Variants in JDP2 observed in about 807,000 individuals in gnomAD.
JDP2 encodes the protein Jun dimerization protein 2, also known as progesterone receptor co-activator.
A neutral mutation model predicts 17.1 loss-of-function variants in JDP2; 9 were observed. The observed-to-expected ratio is 0.53, with a 90% confidence interval of 0.32 to 0.92. The LOEUF (loss-of-function observed/expected upper bound fraction) is 0.92, where lower values mean the gene tolerates loss of function less well. JDP2 is among the 40% of genes least tolerant of loss of function. The pLI is 0.04. For missense variants in JDP2, 179 were observed against 220.0 expected, an observed-to-expected ratio of 0.81 and a Z score of 1.18; for synonymous variants, 107 against 95.6, an observed-to-expected ratio of 1.12 and a Z score of -0.69.
chr14:75,454,657 C>T (rs986202088), intron 2 of JDP2, among the ~76,000 whole-genome samples: 2 of 152,094 alleles, frequency 1.3e-5, no homozygotes, highest in Admixed American at 6.5e-5. Flanking sequence ...AGTGAATGCA[C>T]CTTGAAGGAA....
chr14:75,459,507 A>T (rs1048215949), intron 2 of JDP2, among the ~76,000 whole-genome samples: 1 of 152,136 alleles, frequency 6.6e-6, no homozygotes, highest in Non-Finnish European at 1.5e-5. Flanking sequence ...TGCCCTGCCA[A>T]GGCCTGTGCC....
chr14:75,457,879 G>A (rs940601645), intron 2 of JDP2, among the ~76,000 whole-genome samples: 1 of 152,254 alleles, frequency 6.6e-6, no homozygotes, highest in Non-Finnish European at 1.5e-5. Flanking sequence ...GCTCCCGTGA[G>A]CGCTGGGGAA....
At chr14:75,450,010 C>A (rs1335227486) in intron 2 of JDP2, among the ~76,000 whole-genome samples, 1 of 152,156 alleles carries the variant, frequency 6.6e-6, no homozygotes, top group East Asian at 1.9e-4. Context: ...CTATTCTGTT[C>A]ATATAAACCA....
chr14:75,429,214 C>T (rs982002612), intron 1 of JDP2, among the ~76,000 whole-genome samples: 3 of 152,114 alleles, frequency 2.0e-5, no homozygotes, highest in African/African-American at 7.2e-5. Context: ...TCAGCCGACC[C>T]CCTTGGGTCA....
chr14:75,432,906 A>G lies in JDP2; in HGVS notation c.-24+4654A>G, dbSNP rs1884873694. Among the ~76,000 whole-genome samples, 3 of 152,092 alleles carry G rather than the reference A, an allele frequency of 2.0e-5. No individual in the cohort carries two copies. The South Asian group carries it at 6.2e-4, about 32-fold the overall frequency. On this transcript the variant is annotated intron_variant, in intron 1 of 3. Transcript: ENST00000651602. Reference sequence around the variant, plus strand: ...TTATCATTTATAGACACTTCCATTAAAAAAAGATTTAAGGACCGGGCACGG... The same window carrying G: ...TTATCATTTATAGACACTTCCATTAGAAAAAGATTTAAGGACCGGGCACGG...
At chr14:75,469,169 T>G in intron 3 of JDP2, 121 bp from the exon 4 acceptor site, 1 of 871,624 alleles carries the variant, frequency 1.1e-6, no homozygotes, top group South Asian at 1.7e-5. Flanking sequence ...GGGTCTGTGC[T>G]TCTTCCTGCA....
chr14:75,454,559 A>G (rs1200255326), intron 2 of JDP2, among the ~76,000 whole-genome samples: 1 of 152,230 alleles, frequency 6.6e-6, no homozygotes, highest in Non-Finnish European at 1.5e-5. Context: ...TGAGATATTT[A>G]TATAGATTAA....
At chr14:75,432,060 T>G in intron 1 of JDP2, 1 of 560,370 alleles carries the variant, frequency 1.8e-6, no homozygotes, top group South Asian at 2.2e-5. Flanking sequence ...GGATTCACAC[T>G]CAGGTGATCT....
chr14:75,469,692 AGACCAAAGTT>A lies in JDP2; in HGVS notation c.*222_*231del. On this transcript the variant is annotated 3_prime_UTR_variant, in exon 4 of 4. Transcript: ENST00000651602. Reference sequence around the variant, plus strand: ...GGAAACCCAGAGGGACCAAGCGCTGAGACCAAAGTTGACCCTCGGGTAGGGTTGTCCTGCC... The same window carrying A: ...GGAAACCCAGAGGGACCAAGCGCTGAGACCCTCGGGTAGGGTTGTCCTGCC... 3.6e-6 allele frequency: 2 copies of A among 548,420 alleles called. No homozygotes were observed. Among genetic ancestry groups the A allele is most frequent in the Non-Finnish European group, 6.5e-6 (2 of 308,622 alleles). The allele number at this position is 548,420 out of a possible 1,614,324, so 34.0% of individuals were successfully genotyped here.
chr14:75,432,026 A>G, intron 1 of JDP2: 1 of 508,430 alleles, frequency 2.0e-6, no homozygotes, highest in Non-Finnish European at 3.5e-6. Flanking sequence ...AAGGGCACAC[A>G]GCTAGTAAGA....
rs1465121247 is a variant in JDP2, at chr14:75,461,531, G to A, written c.306+1G>A. ...GGAGCGCACGGAGTTTCTGCAGCGG[G>A]TGAGCTGACCGGGTGGGTGGGGAGG... On this transcript the variant is annotated splice_donor_variant, in intron 3 of 3. Transcript: ENST00000651602. LOFTEE classifies it high-confidence loss of function. 1 of 1,598,406 alleles carries A rather than the reference G, an allele frequency of 6.3e-7. No homozygotes were observed. Among genetic ancestry groups the A allele is most frequent in the South Asian group, 1.1e-5 (1 of 88,064 alleles).
chr14:75,454,345 C>T (rs985736287), intron 2 of JDP2, among the ~76,000 whole-genome samples: 6 of 152,258 alleles, frequency 3.9e-5, no homozygotes, highest in South Asian at 2.1e-4. Flanking sequence ...GACCTGGATA[C>T]GAGTCCTGCG....
At chr14:75,455,485 G>C (rs1886061498) in intron 2 of JDP2, among the ~76,000 whole-genome samples, 1 of 152,124 alleles carries the variant, frequency 6.6e-6, no homozygotes, top group African/African-American at 2.4e-5. Flanking sequence ...TGTGCCCCAG[G>C]TGGCTCATCT....
chr14:75,467,788 G>C (rs1372595681), intron 3 of JDP2, among the ~76,000 whole-genome samples: 1 of 152,098 alleles, frequency 6.6e-6, no homozygotes, highest in Admixed American at 6.5e-5. Flanking sequence ...CAGAGGACCA[G>C]GCCAGCTTCC....
intron 2 of JDP2, among the ~76,000 whole-genome samples, chr14:75,455,399 T>C (rs1464010586): frequency 6.6e-6 from 1 of 152,160 alleles, no homozygotes; most frequent in African/African-American, 2.4e-5. Flanking sequence ...GGTGGACTTA[T>C]GTAAATCACA....
At chr14:75,434,907 G>A (rs1884991667) in intron 1 of JDP2, among the ~76,000 whole-genome samples, 1 of 152,184 alleles carries the variant, frequency 6.6e-6, no homozygotes, top group Non-Finnish European at 1.5e-5. Flanking sequence ...GCTGTCATTT[G>A]TTCATTCATT....
At chr14:75,461,319 G>A (rs1334715681) in intron 2 of JDP2, 107 bp from the exon 3 acceptor site, 5 of 775,058 alleles carry the variant, frequency 6.5e-6, no homozygotes, top group Admixed American at 2.1e-5. Flanking sequence ...GTTCACTGCC[G>A]AGATGTGGGT....
At chr14:75,427,362 G>T (rs1884570395), upstream of JDP2, 1 of 152,440 alleles carries the variant, frequency 6.6e-6, no homozygotes, top group Non-Finnish European at 1.5e-5. This position sits in a 1 kb window ranked among gnomAD's most constrained non-coding sequence, Gnocchi z 4.4. Context: ...GGGGCCTAAG[G>T]GCGCTGGCGG....
At chr14:75,450,737 A>G (rs1363357660) in intron 2 of JDP2, among the ~76,000 whole-genome samples, 3 of 152,212 alleles carry the variant, frequency 2.0e-5, no homozygotes, top group Non-Finnish European at 2.9e-5. Flanking sequence ...AGCTCTGTGG[A>G]TCAGGCCTCC....
Sources: allele counts gnomAD v4.1 joint callset (sites outside exome capture counted in the v4.1 genomes callset), GRCh38; gene constraint gnomAD v4.1.1; non-coding constraint Gnocchi (gnomAD v3.1); transcripts MANE v1.5; gene names NCBI Gene and HGNC (gene_info 2026-07-23, HGNC 2026-07-21).